Variants in RGS6 observed in about 807,000 individuals in gnomAD.
The protein encoded by RGS6 is regulator of G-protein signaling 6.
A neutral mutation model predicts 78.5 loss-of-function variants in RGS6; 30 were observed. That is an observed-to-expected ratio of 0.38 (90% CI 0.29 to 0.52). The LOEUF (loss-of-function observed/expected upper bound fraction) is 0.52, where lower values mean the gene tolerates loss of function less well. Among genes scored for constraint, RGS6 ranks in the 20% least tolerant of loss-of-function variants. RGS6 has a pLI of 0.85. For synonymous variants in RGS6, 206 were observed against 206.0 expected (o/e 1.00, Z 0.00); for missense variants, 495 against 609.7 (o/e 0.81, Z 1.98).
intron 8 of RGS6, 106 bp downstream of exon 8, chr14:72,470,189 T>G: frequency 1.2e-6 from 1 of 807,672 alleles, no homozygotes; most frequent in Non-Finnish European, 2.1e-6. Flanking sequence ...GGCGTTAGTA[T>G]TTCTAATAGG....
intron 3 of RGS6, among the ~76,000 whole-genome samples, chr14:72,364,582 T>C (rs2082117415): frequency 6.6e-6 from 1 of 152,206 alleles, no homozygotes; most frequent in Non-Finnish European, 1.5e-5. Flanking sequence ...GGGAATAACT[T>C]TTTCTCTTCT....
At chr14:72,569,061 G>A (rs1475918649), downstream of RGS6, among the ~76,000 whole-genome samples, 3 of 152,090 alleles carry the variant, frequency 2.0e-5, no homozygotes, top group Non-Finnish European at 4.4e-5. Context: ...CGCACCCTCA[G>A]TAGAGAACAG....
At chr14:72,581,877 A>G in the RGS6 span, among the ~76,000 whole-genome samples, 1 of 152,180 alleles carries the variant, frequency 6.6e-6, no homozygotes, top group African/African-American at 2.4e-5. Flanking sequence ...TGCATAATTA[A>G]CCAATAAAAG....
chr14:72,249,804 G>C (rs1039369595), intron 2 of RGS6, among the ~76,000 whole-genome samples: 8 of 152,032 alleles, frequency 5.3e-5, no homozygotes, highest in South Asian at 2.1e-4. Flanking sequence ...TGTTTATTGC[G>C]GCATTATTCA....
At chr14:72,099,105 G>A (rs770059325) in intron 2 of RGS6, among the ~76,000 whole-genome samples, 1 of 152,106 alleles carries the variant, frequency 6.6e-6, no homozygotes, top group Non-Finnish European at 1.5e-5. Flanking sequence ...TAAACTCATT[G>A]ATCTCACAAC....
chr14:72,079,254 A>AT (rs894474647), intron 2 of RGS6, among the ~76,000 whole-genome samples: 4 of 152,050 alleles, frequency 2.6e-5, no homozygotes, highest in African/African-American at 9.6e-5. Context: ...ATATTATTAA[A>AT]TTTTTTTCTA....
chr14:72,522,872 A>G (rs145253160), intron 15 of RGS6, among the ~76,000 whole-genome samples: 8 of 152,252 alleles, frequency 5.3e-5, no homozygotes, highest in African/African-American at 1.7e-4. Flanking sequence ...AAGCTACAGG[A>G]TAGAGGATTG....
intron 3 of RGS6, among the ~76,000 whole-genome samples, chr14:72,434,251 C>T (rs968691701): frequency 6.6e-6 from 1 of 152,188 alleles, no homozygotes; most frequent in African/African-American, 2.4e-5. Context: ...GCAGGAGGAT[C>T]GCTTGACACC....
chr14:72,239,588 A>C (rs2052205757), intron 2 of RGS6, among the ~76,000 whole-genome samples: 1 of 152,174 alleles, frequency 6.6e-6, no homozygotes, highest in Admixed American at 6.5e-5. Context: ...CCTGTAACAC[A>C]GTGAGCACCT....
intron 2 of RGS6, among the ~76,000 whole-genome samples, chr14:72,014,130 G>T (rs905363911): frequency 6.6e-6 from 1 of 152,170 alleles, no homozygotes; most frequent in Non-Finnish European, 1.5e-5. Flanking sequence ...CATGCTCTTT[G>T]TAAGGATATG....
intron 3 of RGS6, among the ~76,000 whole-genome samples, chr14:72,380,796 G>A (rs557243673): frequency 6.6e-6 from 1 of 152,156 alleles, no homozygotes; most frequent in South Asian, 2.1e-4. Flanking sequence ...AACTACTATA[G>A]CATCCAGCAA....
At chr14:72,033,231 GT>G (rs948029564) in intron 2 of RGS6, among the ~76,000 whole-genome samples, 1 of 152,074 alleles carries the variant, frequency 6.6e-6, no homozygotes, top group Non-Finnish European at 1.5e-5. Context: ...GCATTGGTGG[GT>G]TTTTGATGTT....
intron 2 of RGS6, among the ~76,000 whole-genome samples, chr14:72,157,985 C>T (rs1322738019): frequency 1.3e-5 from 2 of 152,150 alleles, no homozygotes; most frequent in Non-Finnish European, 2.9e-5. Flanking sequence ...AATGCTATCC[C>T]TCCCTTAGCC....
upstream of RGS6, among the ~76,000 whole-genome samples, chr14:71,931,329 G>C (rs1442668124): frequency 6.6e-6 from 1 of 152,086 alleles, no homozygotes; most frequent in African/African-American, 2.4e-5. Flanking sequence ...CGACGTGAAG[G>C]CTTCAGGGCA....
chr14:72,014,045 C>T (rs1418327207), intron 2 of RGS6, among the ~76,000 whole-genome samples: 1 of 152,162 alleles, frequency 6.6e-6, no homozygotes. Context: ...AGAAAAATAC[C>T]TAGGTAAATC....
At chr14:72,212,327 C>A (rs1439139786) in intron 2 of RGS6, among the ~76,000 whole-genome samples, 1 of 152,118 alleles carries the variant, frequency 6.6e-6, no homozygotes, top group Non-Finnish European at 1.5e-5. Context: ...ATAACCTAAG[C>A]AAAGACTTAC....
At chr14:72,629,401 A>G in the RGS6 span, among the ~76,000 whole-genome samples, 1 of 152,362 alleles carries the variant, frequency 6.6e-6, no homozygotes, top group Admixed American at 6.5e-5. Context: ...ATGAGATCAT[A>G]TACTGTGGAA....
intron 8 of RGS6, among the ~76,000 whole-genome samples, chr14:72,470,886 A>G (rs2153310397): frequency 6.6e-6 from 1 of 151,582 alleles, no homozygotes; most frequent in African/African-American, 2.4e-5. Context: ...TCTCAAAAAA[A>G]AAAAAAAAAA....
At chr14:72,604,561 T>A in the RGS6 span, among the ~76,000 whole-genome samples, 2 of 152,218 alleles carry the variant, frequency 1.3e-5, no homozygotes, top group African/African-American at 4.8e-5. Context: ...CCTCCAAGTC[T>A]GTAGCCACAT....
Sources: gnomAD v4.1 joint callset for allele counts (sites outside exome capture counted in the v4.1 genomes callset) on GRCh38, gnomAD v4.1.1 for gene constraint, MANE v1.5 for transcripts, NCBI Gene and HGNC (gene_info 2026-07-23, HGNC 2026-07-21) for gene names.